Variants in VPS13B observed in about 807,000 individuals in gnomAD.
VPS13B encodes the protein vacuolar protein sorting 13 homolog B, also known as intermembrane lipid transfer protein VPS13B.
Under a neutral mutation model 426.4 loss-of-function variants are expected in VPS13B, and 285 were observed. The ratio of observed to expected loss-of-function variants is 0.67; its 90% CI spans 0.61 to 0.74. VPS13B has a LOEUF of 0.74. Ranked by LOEUF, VPS13B falls within the 30% of genes least tolerant of loss-of-function variation. The pLI is 0.00. For missense variants in VPS13B, 4,537 were observed against 4,782.6 expected (o/e 0.95, Z 1.51); for synonymous variants, 1,676 against 1,676.4 (o/e 1.00, Z 0.01).
intron 39 of VPS13B, among the ~76,000 whole-genome samples, chr8:99,721,297 G>T (rs1014182817): frequency 1.3e-5 from 2 of 152,256 alleles, no homozygotes; most frequent in African/African-American, 2.4e-5. Context: ...CCATTTTATT[G>T]TGAGTAGATT....
chr8:99,060,596 G>A (rs993714137), intron 3 of VPS13B, among the ~76,000 whole-genome samples: 22 of 142,274 alleles, frequency 1.5e-4, no homozygotes, highest in Admixed American at 1.2e-3. Context: ...GTGATAGAGC[G>A]CGACTTCATC....
chr8:99,481,534 A>G (rs1322140360), intron 24 of VPS13B, 65 bp from the exon 25 acceptor site: 3 of 1,506,766 alleles, frequency 2.0e-6, no homozygotes, highest in East Asian at 4.5e-5. Flanking sequence ...TCATATTATT[A>G]TTTTAGTGGA....
chr8:99,595,188 T>C (rs557632015), intron 33 of VPS13B, among the ~76,000 whole-genome samples: 11 of 151,880 alleles, frequency 7.2e-5, no homozygotes, highest in Non-Finnish European at 1.3e-4. Flanking sequence ...GGGTTACATA[T>C]AGATGAAAAA....
intron 17 of VPS13B, among the ~76,000 whole-genome samples, chr8:99,248,603 G>A (rs754491207): frequency 2.6e-5 from 4 of 151,822 alleles, no homozygotes; most frequent in South Asian, 2.1e-4. Flanking sequence ...TATATTTCTC[G>A]TTTTTGACAC....
At chr8:99,457,206 A>G (rs1818520776) in intron 23 of VPS13B, among the ~76,000 whole-genome samples, 1 of 151,642 alleles carries the variant, frequency 6.6e-6, no homozygotes, top group African/African-American at 2.4e-5. Context: ...TAACATTTTT[A>G]TTTTTAGTAG....
intron 28 of VPS13B, among the ~76,000 whole-genome samples, chr8:99,510,510 T>G (rs569957382): frequency 7.2e-5 from 11 of 152,290 alleles, no homozygotes; most frequent in African/African-American, 2.4e-4. Context: ...CCAACCTATG[T>G]TTTTTTGTTT....
chr8:99,353,556 G>A (rs1391649972), intron 19 of VPS13B, among the ~76,000 whole-genome samples: 1 of 150,408 alleles, frequency 6.6e-6, no homozygotes, highest in East Asian at 1.9e-4. Context: ...AAATTGAAGT[G>A]CTTATTTGAG....
At chr8:99,751,715 A>C (rs986840093) in intron 39 of VPS13B, among the ~76,000 whole-genome samples, 2 of 152,206 alleles carry the variant, frequency 1.3e-5, no homozygotes, top group Non-Finnish European at 2.9e-5. Context: ...ACTTTCAATA[A>C]AGTACAGACA....
intron 3 of VPS13B, among the ~76,000 whole-genome samples, chr8:99,072,439 G>A (rs1844898712): frequency 6.6e-6 from 1 of 152,088 alleles, no homozygotes; most frequent in South Asian, 2.1e-4. Flanking sequence ...CTGTGGTTGA[G>A]GGCATCCAAG....
In VPS13B at chr8:99,292,897, T is replaced by C. The variant is rs568262639; in HGVS notation, c.2824+17643T>C. Reference sequence around the variant, plus strand: ...ACACAATGCAACTAATTATTTGTGCTTCTTATTTAGCTTCTTTTCACTATC... The same window carrying C: ...ACACAATGCAACTAATTATTTGTGCCTCTTATTTAGCTTCTTTTCACTATC... On this transcript the variant is annotated intron_variant, in intron 19 of 61. Transcript: ENST00000357162. 3.9e-5 allele frequency among the ~76,000 whole-genome samples: 6 copies of C among 152,302 alleles called. No individual in the cohort carries two copies. In the South Asian group the frequency reaches 1.2e-3, roughly 32 times the overall value.
At chr8:99,871,845 T>C in intron 61 of VPS13B, 148 bp downstream of exon 61, 4 of 1,468,642 alleles carry the variant, frequency 2.7e-6, no homozygotes, top group Non-Finnish European at 2.8e-6. Flanking sequence ...GGAGGAAGTG[T>C]AGAGGCCGGA....
intron 43 of VPS13B, among the ~76,000 whole-genome samples, chr8:99,788,528 A>G (rs1812385497): frequency 6.6e-6 from 1 of 152,134 alleles, no homozygotes; most frequent in East Asian, 1.9e-4. Flanking sequence ...AGAGGTGGCA[A>G]ACTTTTCCTG....
chr8:99,586,883 T>G (rs1826328696), intron 33 of VPS13B, among the ~76,000 whole-genome samples: 2 of 152,150 alleles, frequency 1.3e-5, no homozygotes, highest in African/African-American at 4.8e-5. Context: ...AACATGCAGG[T>G]TTCTTACATA....
At chr8:99,308,868 C>T (rs1295647656) in intron 19 of VPS13B, among the ~76,000 whole-genome samples, 1 of 151,856 alleles carries the variant, frequency 6.6e-6, no homozygotes, top group Admixed American at 6.6e-5. Flanking sequence ...TTAATGATTG[C>T]CATTCTAACT....
At chr8:99,797,210 T>C (rs1458738464) in intron 43 of VPS13B, 1 of 152,158 alleles carries the variant, frequency 6.6e-6, no homozygotes, top group Admixed American at 6.5e-5. Flanking sequence ...TTGCTTATAA[T>C]AGACAGCTGA....
chr8:99,220,829 GCA>G (rs1201207695), intron 17 of VPS13B, among the ~76,000 whole-genome samples: 1 of 111,060 alleles, frequency 9.0e-6, no homozygotes, highest in South Asian at 3.3e-4. Flanking sequence ...GGGTACATGT[GCA>G]CATTGTGCAG....
intron 36 of VPS13B, among the ~76,000 whole-genome samples, chr8:99,715,469 T>C (rs767441570): frequency 1.3e-5 from 2 of 152,188 alleles, no homozygotes; most frequent in African/African-American, 2.4e-5. Flanking sequence ...GAAATAGAAA[T>C]TGATAAGTTT....
chr8:99,069,648 A>G (rs1184313240), intron 3 of VPS13B, among the ~76,000 whole-genome samples: 2 of 152,180 alleles, frequency 1.3e-5, no homozygotes, highest in Non-Finnish European at 2.9e-5. Flanking sequence ...TGACAGCATG[A>G]TCTACTATTA....
chr8:99,478,473 G>GTT lies in VPS13B; in HGVS notation c.3667-3114_3667-3113dup, dbSNP rs1237481014. 1.4e-3 allele frequency among the ~76,000 whole-genome samples: 80 copies of GTT among 55,506 alleles called. 1 individual carries two copies. The East Asian group carries it at 0.018, about 12-fold the overall frequency. 36.4% of individuals were successfully genotyped at this position (55,506 alleles called of 152,430 possible). A position where few individuals can be genotyped will look rare whatever the true frequency, so the allele number is the denominator to read the frequency against. On this transcript the variant is annotated intron_variant, in intron 24 of 61. Transcript: ENST00000357162. ...TTTTTTTTTTTTTTTTTTGTTTTTT[G>GTT]TTTTTTTTTTTTTGCCGAGGCAGGT... is the stretch of plus-strand genomic sequence containing the variant.
Sources: gnomAD v4.1 joint callset for allele counts (sites outside exome capture counted in the v4.1 genomes callset) on GRCh38, gnomAD v4.1.1 for gene constraint, MANE v1.5 for transcripts, NCBI Gene and HGNC (gene_info 2026-07-23, HGNC 2026-07-21) for gene names.